Variants in STARD13 observed in about 807,000 individuals in gnomAD.
STARD13 encodes the protein StAR related lipid transfer domain containing 13, also known as stAR-related lipid transfer protein 13.
In STARD13, 62 loss-of-function variants were observed where a neutral mutation model predicts 106.4. The observed-to-expected ratio is 0.58, with a 90% CI of 0.48 to 0.72. STARD13 has a LOEUF of 0.72. Among genes scored for constraint, STARD13 ranks in the 30% least tolerant of loss-of-function variants. The probability of loss-of-function intolerance (pLI) is 0.00; values close to 1 mark genes in which losing one functional copy is unlikely to be tolerated. For synonymous variants in STARD13, 565 were observed against 553.0 expected (o/e 1.02, Z -0.31); for missense variants, 1,387 against 1,424.0 (o/e 0.97, Z 0.42).
At chr13:33,320,494 AC>A in intron 1 of STARD13, among the ~76,000 whole-genome samples, 2 of 152,318 alleles carry the variant, frequency 1.3e-5, no homozygotes, top group East Asian at 3.9e-4. Flanking sequence ...TAGCTAGCTA[AC>A]TAGCATGGAA....
intron 1 of STARD13, among the ~76,000 whole-genome samples, chr13:33,319,817 T>C (rs940582638): frequency 6.6e-6 from 1 of 152,210 alleles, no homozygotes; most frequent in Non-Finnish European, 1.5e-5. Context: ...AACTTAAAAC[T>C]TGGATAAAAC....
At chr13:33,144,145 T>C (rs139211223) in intron 3 of STARD13, among the ~76,000 whole-genome samples, 318 of 152,332 alleles carry the variant, frequency 2.1e-3, no homozygotes, top group Non-Finnish European at 3.6e-3. Flanking sequence ...TAGACTCAAG[T>C]GATACCCAGT....
At chr13:33,404,059 T>G in the STARD13 span, among the ~76,000 whole-genome samples, 1 of 152,192 alleles carries the variant, frequency 6.6e-6, no homozygotes, top group Admixed American at 6.5e-5. Flanking sequence ...CTAGTGTTAT[T>G]GATGAGTAGT....
At chr13:33,398,240 A>G in the STARD13 span, among the ~76,000 whole-genome samples, 3 of 152,218 alleles carry the variant, frequency 2.0e-5, no homozygotes, top group Admixed American at 2.0e-4. Context: ...TGCTCTTGTA[A>G]TAATTAGAGC....
At chr13:33,536,944 A>G in the STARD13 span, among the ~76,000 whole-genome samples, 1 of 152,196 alleles carries the variant, frequency 6.6e-6, no homozygotes, top group South Asian at 2.1e-4. Context: ...CTTGCTATTC[A>G]TATTAGAGCT....
the STARD13 span, among the ~76,000 whole-genome samples, chr13:33,405,721 A>G: frequency 6.6e-6 from 1 of 152,260 alleles, no homozygotes; most frequent in Non-Finnish European, 1.5e-5. Context: ...ATATGGGCAT[A>G]GCCCACCCAG....
chr13:33,307,460 C>T (rs1375839695), intron 1 of STARD13, among the ~76,000 whole-genome samples: 1 of 152,138 alleles, frequency 6.6e-6, no homozygotes, highest in African/African-American at 2.4e-5. Flanking sequence ...ACATATACAC[C>T]ATGGAATAGT....
chr13:33,416,721 G>A, the STARD13 span, among the ~76,000 whole-genome samples: 1 of 152,118 alleles, frequency 6.6e-6, no homozygotes, highest in Non-Finnish European at 1.5e-5. Context: ...AAATGTAAAT[G>A]CTAAAACTAC....
the STARD13 span, among the ~76,000 whole-genome samples, chr13:33,561,484 C>G: frequency 2.0e-5 from 3 of 151,370 alleles, no homozygotes; most frequent in Admixed American, 6.6e-5. Flanking sequence ...TGTTTCATTT[C>G]CTCTATTGCA....
the STARD13 span, among the ~76,000 whole-genome samples, chr13:33,584,725 T>C: frequency 1.3e-5 from 2 of 152,092 alleles, no homozygotes; most frequent in Non-Finnish European, 2.9e-5. Context: ...AGACTGTCCC[T>C]GTTCCTCATA....
chr13:33,578,594 A>G, the STARD13 span, among the ~76,000 whole-genome samples: 2 of 152,140 alleles, frequency 1.3e-5, no homozygotes, highest in African/African-American at 4.8e-5. Context: ...GGCCTAGGCA[A>G]AGAATTTATG....
At position 33,104,931 on chromosome 13, in the gene STARD13, C is replaced by T. The variant is rs1873504073; in HGVS notation, c.*662G>A. ...AGGAGGAGTAATTATTATTTCCTTG[C>T]TTTATCCCAGATCTCCACTCTCAGT... On this transcript the variant is annotated 3_prime_UTR_variant, in exon 14 of 14. Transcript: ENST00000336934. 6.5e-6 allele frequency: 1 copy of T among 153,254 alleles called. No homozygotes were observed. Among genetic ancestry groups the T allele is most frequent in the Non-Finnish European group, 1.5e-5 (1 of 68,032 alleles). 9.5% of individuals were successfully genotyped at this position (153,254 alleles called of 1,614,324 possible).
At chr13:33,463,722 T>C in the STARD13 span, among the ~76,000 whole-genome samples, 2 of 152,034 alleles carry the variant, frequency 1.3e-5, no homozygotes, top group Non-Finnish European at 2.9e-5. Context: ...GGTGTCAAAA[T>C]ATATGCATAG....
intron 3 of STARD13, among the ~76,000 whole-genome samples, chr13:33,150,514 C>T (rs1346433468): frequency 1.3e-5 from 2 of 152,196 alleles, no homozygotes; most frequent in Non-Finnish European, 2.9e-5. Context: ...TTATCTGCTC[C>T]TGTCTACTTA....
intron 1 of STARD13, among the ~76,000 whole-genome samples, chr13:33,233,840 G>A (rs906582422): frequency 5.3e-5 from 8 of 152,204 alleles, no homozygotes; most frequent in African/African-American, 1.7e-4. Context: ...CTGGATGCAG[G>A]CCCTGCACAG....
the STARD13 span, among the ~76,000 whole-genome samples, chr13:33,577,050 C>T: frequency 1.3e-5 from 2 of 152,212 alleles, no homozygotes; most frequent in South Asian, 2.1e-4. Context: ...TCACAAAAGC[C>T]CTTTTAAAAA....
the STARD13 span, among the ~76,000 whole-genome samples, chr13:33,522,897 T>C: frequency 6.6e-6 from 1 of 152,146 alleles, no homozygotes; most frequent in African/African-American, 2.4e-5. Flanking sequence ...AAAATTAAGG[T>C]AGTAATGCCT....
intron 1 of STARD13, among the ~76,000 whole-genome samples, chr13:33,295,570 A>G (rs952840577): frequency 6.6e-6 from 1 of 151,606 alleles, no homozygotes; most frequent in Non-Finnish European, 1.5e-5. Flanking sequence ...GCACAGGGCT[A>G]GACTGTGATG....
At chr13:33,452,111 A>G in the STARD13 span, among the ~76,000 whole-genome samples, 2 of 152,172 alleles carry the variant, frequency 1.3e-5, no homozygotes, top group East Asian at 3.8e-4. Context: ...TTCAGGGCCT[A>G]AGGAGAAGGA....
Sources: allele counts gnomAD v4.1 joint callset (sites outside exome capture counted in the v4.1 genomes callset), GRCh38; gene constraint gnomAD v4.1.1; transcripts MANE v1.5; gene names NCBI Gene and HGNC (gene_info 2026-07-23, HGNC 2026-07-21).